CBFB: variants seen among roughly 807,000 people sequenced by gnomAD.
CBFB encodes CBF-beta.
CBFB carries 9 observed loss-of-function variants against 30.4 expected under a neutral mutation model. That is an observed-to-expected ratio of 0.30 (90% CI 0.18 to 0.52). CBFB has a LOEUF of 0.52. CBFB is among the 20% of genes least tolerant of loss of function. The pLI is 0.97. For missense variants in CBFB, 170 were observed against 244.0 expected (o/e 0.70, Z 2.02); for synonymous variants, 94 against 84.0 (o/e 1.12, Z -0.65).
At chr16:67,073,672 G>T (rs762283254) in intron 4 of CBFB, among the ~76,000 whole-genome samples, 5 of 152,170 alleles carry the variant, frequency 3.3e-5, no homozygotes, top group East Asian at 1.9e-4. Flanking sequence ...AACCCAGGAG[G>T]TGGAGGTTGC....
Position 67,098,954 on chromosome 16 carries a change from T to C in CBFB, c.*176T>C, listed in dbSNP as rs1962140043. ...CCATGGTTTTGCACTATGATTATAA[T>C]ACCTGCATTTCTAATTTTTTAAGCA... On this transcript the variant is annotated 3_prime_UTR_variant, in exon 6 of 6. Transcript: ENST00000412916. The C allele has an allele frequency of 2.1e-6, 1 of 466,208 alleles. No homozygotes were observed. Among genetic ancestry groups the C allele is most frequent in the Non-Finnish European group, 3.8e-6 (1 of 262,708 alleles). The allele number at this position is 466,208 out of a possible 1,614,324, so 28.9% of individuals were successfully genotyped here. A position where few individuals can be genotyped will look rare whatever the true frequency, so the allele number is the denominator to read the frequency against.
In CBFB at chr16:67,062,682, C is replaced by T. The variant is rs570665127; in HGVS notation, c.283-4000C>T. On this transcript the variant is annotated intron_variant, in intron 3 of 5. Transcript: ENST00000412916. ...TGGCATGCACCAGTAATCCCAGCCA[C>T]TCGGGAGGCTGAGGCAGGGAGAATC... Among the ~76,000 whole-genome samples the T allele has an allele frequency of 3.3e-5, 5 of 151,790 alleles. No individual in the cohort carries two copies. In the South Asian group the frequency reaches 1.0e-3, roughly 32 times the overall value.
chr16:67,036,230 T>C (rs1457251847), intron 2 of CBFB, among the ~76,000 whole-genome samples: 1 of 152,196 alleles, frequency 6.6e-6, no homozygotes, highest in Non-Finnish European at 1.5e-5. Flanking sequence ...TTAAAGTGTC[T>C]CATTTATACA....
intron 4 of CBFB, among the ~76,000 whole-genome samples, chr16:67,068,123 G>A (rs1255146381): frequency 6.6e-6 from 1 of 152,176 alleles, no homozygotes; most frequent in Non-Finnish European, 1.5e-5. Context: ...TAAAAACTCT[G>A]ACCAGTCATT....
At chr16:67,065,627 C>G (rs529562716) in intron 3 of CBFB, among the ~76,000 whole-genome samples, 1 of 152,300 alleles carries the variant, frequency 6.6e-6, no homozygotes, top group African/African-American at 2.4e-5. Context: ...ATCCTCACAC[C>G]TTGGCCTCCC....
intron 2 of CBFB, among the ~76,000 whole-genome samples, chr16:67,033,922 G>T (rs929835603): frequency 1.4e-5 from 2 of 147,744 alleles, no homozygotes; most frequent in Non-Finnish European, 3.0e-5. Context: ...TCTGCCTCCT[G>T]GGTTCACACG....
chr16:67,029,514 G>A (rs1278604894), intron 1 of CBFB, 29 bp downstream of exon 1: 2 of 1,566,476 alleles, frequency 1.3e-6, no homozygotes, highest in African/African-American at 1.4e-5. Context: ...CGGCTAGGAG[G>A]CCGCAGCGCG....
chr16:67,029,995 CG>C, intron 2 of CBFB, 182 bp downstream of exon 2: 1 of 473,744 alleles, frequency 2.1e-6, no homozygotes, highest in East Asian at 3.8e-5. Context: ...CGCGGGGAGA[CG>C]CTTTTCCTGG....
intron 4 of CBFB, among the ~76,000 whole-genome samples, chr16:67,081,909 C>G (rs1279208761): frequency 6.6e-6 from 1 of 150,554 alleles, no homozygotes; most frequent in Non-Finnish European, 1.5e-5. Flanking sequence ...CAACCTTCAC[C>G]TCCTGGGTTT....
intron 4 of CBFB, among the ~76,000 whole-genome samples, chr16:67,069,866 G>A (rs938458913): frequency 6.6e-5 from 10 of 152,214 alleles, no homozygotes; most frequent in Admixed American, 5.2e-4. Context: ...GCTCACACCT[G>A]TAATCCCAGC....
At chr16:67,059,336 A>G (rs567402533) in intron 3 of CBFB, among the ~76,000 whole-genome samples, 1 of 152,304 alleles carries the variant, frequency 6.6e-6, no homozygotes, top group Admixed American at 6.5e-5. Context: ...TAAAAGAAGA[A>G]CATTTACCAT....
intron 5 of CBFB, among the ~76,000 whole-genome samples, chr16:67,096,731 T>C (rs939657881): frequency 3.3e-5 from 5 of 151,976 alleles, no homozygotes; most frequent in Non-Finnish European, 7.4e-5. Context: ...TCCCAGCACT[T>C]TGGGAGGCCA....
intron 4 of CBFB, among the ~76,000 whole-genome samples, chr16:67,076,302 G>T (rs1961393883): frequency 6.6e-6 from 1 of 152,096 alleles, no homozygotes; most frequent in Admixed American, 6.6e-5. Flanking sequence ...GTTGAGGTAG[G>T]TCGATCACTT....
At chr16:67,083,898 A>G (rs886557674) in intron 5 of CBFB, among the ~76,000 whole-genome samples, 2 of 151,978 alleles carry the variant, frequency 1.3e-5, no homozygotes, top group East Asian at 3.9e-4. Context: ...GCCAGATGCT[A>G]TGGCTCACAC....
intron 5 of CBFB, among the ~76,000 whole-genome samples, chr16:67,097,204 G>A (rs985343449): frequency 6.6e-6 from 1 of 152,096 alleles, no homozygotes; most frequent in Admixed American, 6.5e-5. Flanking sequence ...CTGCACTCCA[G>A]TCTTGGTGAC....
chr16:67,051,102 G>T (rs1338135524), intron 3 of CBFB, among the ~76,000 whole-genome samples: 2 of 152,044 alleles, frequency 1.3e-5, no homozygotes, highest in African/African-American at 2.4e-5. Context: ...GGCTAAGCGG[G>T]GACTACTGTA....
chr16:67,057,030 T>TG (rs1377017887), intron 3 of CBFB, among the ~76,000 whole-genome samples: 1 of 151,380 alleles, frequency 6.6e-6, no homozygotes, highest in Non-Finnish European at 1.5e-5. Context: ...TCGCCCAGGC[T>TG]GGGGTGCAGT....
At chr16:67,055,203 T>C (rs1396675467) in intron 3 of CBFB, among the ~76,000 whole-genome samples, 1 of 151,976 alleles carries the variant, frequency 6.6e-6, no homozygotes, top group African/African-American at 2.4e-5. Flanking sequence ...GGAGAGCATA[T>C]TGGTGGCAAG....
At chr16:67,078,689 C>T (rs1961472769) in intron 4 of CBFB, among the ~76,000 whole-genome samples, 1 of 152,126 alleles carries the variant, frequency 6.6e-6, no homozygotes, top group Non-Finnish European at 1.5e-5. Context: ...GCTCTTGTTG[C>T]CCAGGCTGGA....
Sources: gnomAD v4.1 joint callset for allele counts (sites outside exome capture counted in the v4.1 genomes callset) on GRCh38, gnomAD v4.1.1 for gene constraint, MANE v1.5 for transcripts, NCBI Gene and HGNC (gene_info 2026-07-23, HGNC 2026-07-21) for gene names.